Variants in LRRIQ3 observed in about 807,000 individuals in gnomAD.
LRRIQ3 encodes leucine rich repeats and IQ motif containing 3.
In LRRIQ3, 75 loss-of-function variants were observed where a neutral mutation model predicts 59.3. The ratio of observed to expected loss-of-function variants is 1.26; its 90% CI spans 1.05 to 1.53. LRRIQ3 has a LOEUF of 1.53. LRRIQ3 is among the 40% of genes most tolerant of loss of function. The pLI is 0.00. For missense variants in LRRIQ3, 831 were observed against 710.0 expected, an observed-to-expected ratio of 1.17 and a Z score of -1.94; for synonymous variants, 250 against 231.3, an observed-to-expected ratio of 1.08 and a Z score of -0.73.
intron 7 of LRRIQ3, among the ~76,000 whole-genome samples, chr1:74,035,340 C>T (rs1205923458): frequency 5.3e-5 from 8 of 152,000 alleles, no homozygotes; most frequent in Non-Finnish European, 1.0e-4. Flanking sequence ...TTTGAATTCT[C>T]ATAACTGATT....
At chr1:74,153,862 G>A (rs1285595483) in intron 4 of LRRIQ3, among the ~76,000 whole-genome samples, 1 of 152,150 alleles carries the variant, frequency 6.6e-6, no homozygotes, top group African/African-American at 2.4e-5. Flanking sequence ...CTGTCTGCAT[G>A]CTGGAAGGGA....
intron 3 of LRRIQ3, among the ~76,000 whole-genome samples, chr1:74,161,226 AC>A (rs1406706925): frequency 6.6e-6 from 1 of 151,894 alleles, no homozygotes; most frequent in African/African-American, 2.4e-5. Flanking sequence ...TGAGGGTTCT[AC>A]CCTCATGACC....
chr1:74,108,333 T>G (rs1339388295), intron 5 of LRRIQ3, among the ~76,000 whole-genome samples: 1 of 151,884 alleles, frequency 6.6e-6, no homozygotes, highest in East Asian at 1.9e-4. Context: ...CTTTATAATT[T>G]TATAATACAC....
chr1:74,128,442 T>A (rs1211427561), intron 4 of LRRIQ3, among the ~76,000 whole-genome samples: 2 of 152,252 alleles, frequency 1.3e-5, no homozygotes, highest in East Asian at 3.9e-4. Context: ...TGCTTCATTC[T>A]TTTTAATTAT....
chr1:74,040,470 C>T (rs1467046355), intron 7 of LRRIQ3, among the ~76,000 whole-genome samples: 1 of 152,140 alleles, frequency 6.6e-6, no homozygotes, highest in Non-Finnish European at 1.5e-5. Flanking sequence ...TTCTCTACAC[C>T]AAATCAACAG....
At chr1:74,159,585 T>C (rs1432670533) in intron 3 of LRRIQ3, among the ~76,000 whole-genome samples, 1 of 152,148 alleles carries the variant, frequency 6.6e-6, no homozygotes, top group Non-Finnish European at 1.5e-5. Context: ...TGCAAACATT[T>C]AAACATTTGA....
At chr1:74,031,150 T>A (rs1364592603) in intron 7 of LRRIQ3, among the ~76,000 whole-genome samples, 3 of 152,154 alleles carry the variant, frequency 2.0e-5, no homozygotes, top group African/African-American at 4.8e-5. Context: ...AGGAACACTT[T>A]TACATTGTTG....
chr1:74,198,080 C>G lies in LRRIQ3; in HGVS notation c.-85G>C. The G allele has an allele frequency of 8.4e-7, 1 of 1,187,824 alleles. No individual in the cohort carries two copies. The highest frequency in any genetic ancestry group is 1.1e-6 in the Non-Finnish European group (1 of 880,680). 73.6% of individuals were successfully genotyped at this position (1,187,824 alleles called of 1,614,324 possible). On this transcript the variant is annotated 5_prime_UTR_variant, in exon 1 of 8. Coordinates refer to ENST00000354431, the MANE Select transcript of LRRIQ3 (RefSeq NM_001105659.2). Reference sequence around the variant, plus strand: ...GTCAGACAAATCGCTGGGCGGCCATCTGCTCCTGAGACCGTTGCTAGAGAA... The same window carrying G: ...GTCAGACAAATCGCTGGGCGGCCATGTGCTCCTGAGACCGTTGCTAGAGAA...
intron 4 of LRRIQ3, among the ~76,000 whole-genome samples, chr1:74,134,809 T>C (rs111294130): frequency 2.0e-5 from 3 of 149,968 alleles, no homozygotes; most frequent in African/African-American, 7.3e-5. Flanking sequence ...CTGTTTAATA[T>C]AAAAGAATGT....
rs1654057070 is a variant in LRRIQ3, at chr1:74,041,823, A to G, written c.1108T>C (p.Leu370=). 2 of 1,613,416 alleles carry G rather than the reference A, an allele frequency of 1.2e-6. No individual in the cohort carries two copies. Among genetic ancestry groups the G allele is most frequent in the Admixed American group, 3.3e-5 (2 of 59,948 alleles). The part of the protein sequence containing the change: ...TSGSLKNNAV[L]REKKQHFFPA... The stretch of plus-strand genomic sequence containing the variant: ...AAAAAATGTTGTTTTTTCTCTCTCA[A>G]TACTGCATTATTCTTCAATGAACCT... Residue 370 remains leucine, a synonymous_variant, in exon 7 of 8, where the codon TTG becomes CTG. Transcript: ENST00000354431.
intron 1 of LRRIQ3, among the ~76,000 whole-genome samples, chr1:74,192,235 A>T (rs995917328): frequency 5.3e-5 from 8 of 151,988 alleles, no homozygotes; most frequent in African/African-American, 1.7e-4. Flanking sequence ...TTCAGAGTTA[A>T]TTTTTTTCCA....
At chr1:74,109,672 T>C (rs1236911068) in intron 4 of LRRIQ3, 119 bp from the exon 5 acceptor site, 4 of 775,432 alleles carry the variant, frequency 5.2e-6, no homozygotes, top group East Asian at 6.3e-5. Context: ...TGTAATAATA[T>C]ATTTATTTTC....
At chr1:74,168,507 T>A (rs1264728048) in intron 3 of LRRIQ3, among the ~76,000 whole-genome samples, 1 of 152,114 alleles carries the variant, frequency 6.6e-6, no homozygotes, top group Non-Finnish European at 1.5e-5. Context: ...TAACAACGCA[T>A]AGCTGAATAA....
intron 6 of LRRIQ3, among the ~76,000 whole-genome samples, 156 bp from the exon 7 acceptor site, chr1:74,042,089 A>T (rs1030254307): frequency 6.6e-5 from 10 of 152,142 alleles, no homozygotes; most frequent in Non-Finnish European, 1.5e-4. Context: ...TTTAATAGTA[A>T]CTTTGGAGAA....
At chr1:74,141,955 A>T (rs561252991) in intron 4 of LRRIQ3, among the ~76,000 whole-genome samples, 3 of 151,180 alleles carry the variant, frequency 2.0e-5, no homozygotes, top group South Asian at 2.1e-4. Context: ...GTGCTGAATA[A>T]TATTATTCTG....
intron 3 of LRRIQ3, among the ~76,000 whole-genome samples, chr1:74,172,673 T>C (rs893926510): frequency 1.3e-5 from 2 of 152,170 alleles, no homozygotes; most frequent in Admixed American, 6.5e-5. Context: ...AAGTGGGGTA[T>C]TGAAGTTTTG....
Position 74,182,763 on chromosome 1 carries a change from A to T in LRRIQ3, c.348T>A (p.Cys116Ter). ...DNGFAKLKNICVLSACPTLIA... is the reference protein window; with the variant it reads ...DNGFAKLKNI ...TGAGGGTTGGACAGGCAGATAATAC[A>T]CATATATTCTTTAACTTTGCAAACC... Residue 116 changes from cysteine to a stop codon, truncating the protein, a stop_gained, in exon 3 of 8, where the codon TGT becomes TGA. Coordinates refer to ENST00000354431, the MANE Select transcript of LRRIQ3 (RefSeq NM_001105659.2). LOFTEE classifies it high-confidence loss of function. 1 of 1,611,542 alleles carries T rather than the reference A, an allele frequency of 6.2e-7. No individual in the cohort carries two copies. Among genetic ancestry groups the T allele is most frequent in the Non-Finnish European group, 8.5e-7 (1 of 1,178,278 alleles).
intron 4 of LRRIQ3, among the ~76,000 whole-genome samples, chr1:74,145,540 GAGA>G: frequency 6.6e-6 from 1 of 152,136 alleles, no homozygotes; most frequent in Admixed American, 6.6e-5. Flanking sequence ...AATTTTATGT[GAGA>G]AGGATTTAAA....
At chr1:74,126,917 C>G (rs1363487227) in intron 4 of LRRIQ3, among the ~76,000 whole-genome samples, 1 of 151,800 alleles carries the variant, frequency 6.6e-6, no homozygotes, top group African/African-American at 2.4e-5. Context: ...TTGTTTTTGT[C>G]TGAGTGATCT....
Sources: gnomAD v4.1 joint callset for allele counts (sites outside exome capture counted in the v4.1 genomes callset) on GRCh38, gnomAD v4.1.1 for gene constraint, MANE v1.5 for transcripts, NCBI Gene and HGNC (gene_info 2026-07-23, HGNC 2026-07-21) for gene names.